The following RAB30 variants were observed in gnomAD, a reference collection of about 807,000 sequenced individuals.
The protein encoded by RAB30 is RAB30, member RAS oncogene family, also known as ras-related protein Rab-30.
RAB30 carries 9 observed loss-of-function variants against 25.1 expected under a neutral mutation model. That is an observed-to-expected ratio of 0.36 (90% CI 0.22 to 0.63). The LOEUF (loss-of-function observed/expected upper bound fraction) is 0.63, where lower values mean the gene tolerates loss of function less well. Among genes scored for constraint, RAB30 ranks in the 20% least tolerant of loss-of-function variants. RAB30 has a pLI of 0.69. For missense variants in RAB30, 140 were observed against 243.5 expected, an observed-to-expected ratio of 0.58 and a Z score of 2.83; for synonymous variants, 77 against 86.4, an observed-to-expected ratio of 0.89 and a Z score of 0.60.
intron 1 of RAB30, among the ~76,000 whole-genome samples, chr11:83,045,962 G>T (rs923632060): frequency 2.4e-4 from 36 of 152,128 alleles, no homozygotes; most frequent in African/African-American, 8.7e-4. Flanking sequence ...TCAAGCTCTG[G>T]AATATTAAAA....
At chr11:83,059,857 A>G (rs1858531250) in intron 1 of RAB30, among the ~76,000 whole-genome samples, 1 of 152,246 alleles carries the variant, frequency 6.6e-6, no homozygotes, top group Non-Finnish European at 1.5e-5. Context: ...GTAATAGATT[A>G]TAACACATTG....
At chr11:82,997,200 G>C in intron 2 of RAB30, 24 bp downstream of exon 2, 1 of 1,570,744 alleles carries the variant, frequency 6.4e-7, no homozygotes, top group Non-Finnish European at 8.8e-7. Flanking sequence ...CTGGGCTTAC[G>C]AGTTCCCTTA....
chr11:83,037,528 GTGTGAGCCAC>G (rs1301186311), intron 1 of RAB30, among the ~76,000 whole-genome samples: 5 of 152,184 alleles, frequency 3.3e-5, no homozygotes, highest in African/African-American at 1.2e-4. Context: ...GGGATTACAG[GTGTGAGCCAC>G]TGGACCCAGC....
intron 1 of RAB30, among the ~76,000 whole-genome samples, chr11:83,070,843 C>T (rs1418610023): frequency 6.6e-6 from 1 of 152,124 alleles, no homozygotes; most frequent in Non-Finnish European, 1.5e-5. Context: ...TAAAATGAAC[C>T]CCTCTTCCCT....
intron 1 of RAB30, among the ~76,000 whole-genome samples, chr11:83,009,214 C>G (rs1037259127): frequency 6.6e-6 from 1 of 151,906 alleles, no homozygotes; most frequent in Non-Finnish European, 1.5e-5. Flanking sequence ...TACAGGCACC[C>G]GCCACCATGC....
chr11:83,004,157 G>A lies in RAB30; in HGVS notation c.-8-6833C>T, dbSNP rs569264048. On this transcript the variant is annotated intron_variant, in intron 1 of 4. Coordinates refer to ENST00000527633, the MANE Select transcript of RAB30 (RefSeq NM_001286060.2). Reference sequence around the variant, plus strand: ...ATATGCCTTGCTACTAGGGCTCCATGAAACATTAGTGTAGTAAACACTATT... The same window carrying A: ...ATATGCCTTGCTACTAGGGCTCCATAAAACATTAGTGTAGTAAACACTATT... Among the ~76,000 whole-genome samples the A allele has an allele frequency of 2.0e-5, 3 of 152,256 alleles. No individual in the cohort carries two copies. The South Asian group carries it at 6.2e-4, about 32-fold the overall frequency.
chr11:83,036,647 G>A (rs115295977), intron 1 of RAB30, among the ~76,000 whole-genome samples: 2,303 of 152,294 alleles, frequency 0.015, 69 homozygotes, highest in African/African-American at 0.053. Flanking sequence ...CATGAGGATA[G>A]ATGACAATGC....
chr11:82,973,483 G>A lies in RAB30; in HGVS notation c.*8682C>T, dbSNP rs1220410107. 1 of 152,148 alleles carries A rather than the reference G, an allele frequency of 6.6e-6. No individual in the cohort carries two copies. Among genetic ancestry groups the A allele is most frequent in the African/African-American group, 2.4e-5 (1 of 41,434 alleles). The allele number at this position is 152,148 out of a possible 1,614,324, so 9.4% of individuals were successfully genotyped here. The stretch of plus-strand genomic sequence containing the variant: ...CTCTTATCCAGCATGATTTGTAGTT[G>A]TCCTTTAAACAATGCAGAGGACAAG... On this transcript the variant is annotated 3_prime_UTR_variant, in exon 5 of 5. Coordinates refer to ENST00000527633, the MANE Select transcript of RAB30 (RefSeq NM_001286060.2).
At chr11:83,045,634 G>A (rs1858218320) in intron 1 of RAB30, among the ~76,000 whole-genome samples, 1 of 152,142 alleles carries the variant, frequency 6.6e-6, no homozygotes, top group Non-Finnish European at 1.5e-5. Context: ...TGGCTTGGTG[G>A]CTTTGGACAA....
At chr11:83,069,932 G>A (rs1160099843) in intron 1 of RAB30, among the ~76,000 whole-genome samples, 1 of 152,164 alleles carries the variant, frequency 6.6e-6, no homozygotes, top group Non-Finnish European at 1.5e-5. Context: ...AGAGGATTCT[G>A]CAAAAATATT....
At chr11:83,043,327 G>A (rs1858169227) in intron 1 of RAB30, among the ~76,000 whole-genome samples, 1 of 152,166 alleles carries the variant, frequency 6.6e-6, no homozygotes, top group South Asian at 2.1e-4. Flanking sequence ...TCCAGCAGCT[G>A]ACTCCAGAGG....
chr11:83,000,326 AC>A (rs1857050602), intron 1 of RAB30, among the ~76,000 whole-genome samples: 1 of 152,216 alleles, frequency 6.6e-6, no homozygotes, highest in Non-Finnish European at 1.5e-5. Context: ...CAATGTGATC[AC>A]CCTTTCCTCT....
chr11:83,011,999 CTGAG>C (rs914981674), intron 1 of RAB30, among the ~76,000 whole-genome samples: 1 of 152,148 alleles, frequency 6.6e-6, no homozygotes, highest in Non-Finnish European at 1.5e-5. Context: ...TGAGGGGAGG[CTGAG>C]TCTGTTGTCA....
chr11:83,004,824 G>GT (rs1479205342), intron 1 of RAB30, among the ~76,000 whole-genome samples: 7 of 151,976 alleles, frequency 4.6e-5, no homozygotes, highest in Non-Finnish European at 1.0e-4. Flanking sequence ...TCCCACTGCT[G>GT]TGTTCAGTAA....
chr11:82,993,349 A>G lies in RAB30; in HGVS notation c.177+690T>C, dbSNP rs74479019. Among the ~76,000 whole-genome samples the G allele has an allele frequency of 5.0e-3, 760 of 152,350 alleles. 2 individuals are homozygous for G. The highest frequency in any genetic ancestry group is 9.1e-3 in the Non-Finnish European group (618 of 68,034). On this transcript the variant is annotated intron_variant, in intron 3 of 4. Transcript: ENST00000527633. ...ATAAGTAAGTTATTTAACCTCTCTG[A>G]AGCCAGTAAAACGAGGATAATACCA...
rs1056044714 is a variant in RAB30 at position 83,071,874 on chromosome 11, G to T, written c.-192C>A. 21 of 382,698 alleles carry T rather than the reference G, an allele frequency of 5.5e-5. No individual in the cohort carries two copies. Among genetic ancestry groups the T allele is most frequent in the East Asian group, 3.4e-4 (9 of 26,606 alleles). The allele number at this position is 382,698 out of a possible 1,614,324, so 23.7% of individuals were successfully genotyped here. On this transcript the variant is annotated 5_prime_UTR_variant, in exon 1 of 5. Coordinates refer to ENST00000527633, the MANE Select transcript of RAB30 (RefSeq NM_001286060.2). Reference sequence around the variant, plus strand: ...GCAATCGCAAGCCCAGCAGCAGCAGGGGGTGGAGAGACCGTAGCACAATGA... The same window carrying T: ...GCAATCGCAAGCCCAGCAGCAGCAGTGGGTGGAGAGACCGTAGCACAATGA...
At chr11:83,007,676 C>T (rs752438419) in intron 1 of RAB30, among the ~76,000 whole-genome samples, 3 of 152,146 alleles carry the variant, frequency 2.0e-5, no homozygotes, top group African/African-American at 4.8e-5. Context: ...AAGAGGCCAC[C>T]GCTTAGGACC....
At chr11:83,027,144 C>G (rs1857739693) in intron 1 of RAB30, among the ~76,000 whole-genome samples, 2 of 152,146 alleles carry the variant, frequency 1.3e-5, no homozygotes, top group Non-Finnish European at 2.9e-5. Context: ...TTGAAATAAT[C>G]TGAGGAAGGG....
At chr11:83,052,237 G>A (rs1858373213) in intron 1 of RAB30, among the ~76,000 whole-genome samples, 1 of 152,108 alleles carries the variant, frequency 6.6e-6, no homozygotes, top group African/African-American at 2.4e-5. Context: ...ATTGAGTTAC[G>A]TGACTCAGAA....
Sources: gnomAD v4.1 joint callset for allele counts (sites outside exome capture counted in the v4.1 genomes callset) on GRCh38, gnomAD v4.1.1 for gene constraint, MANE v1.5 for transcripts, NCBI Gene and HGNC (gene_info 2026-07-23, HGNC 2026-07-21) for gene names.